PIGU: variants seen among roughly 807,000 people sequenced by gnomAD.
PIGU encodes the protein phosphatidylinositol glycan anchor biosynthesis class U, also known as GPI-anchor transamidase component PIGU.
A neutral mutation model predicts 49.9 loss-of-function variants in PIGU; 24 were observed. The observed-to-expected ratio is 0.48, with a 90% confidence interval of 0.35 to 0.68. The LOEUF is 0.68. Among genes scored for constraint, PIGU ranks in the 30% least tolerant of loss-of-function variants. The pLI is 0.01. For missense variants in PIGU, 490 were observed against 532.6 expected, an observed-to-expected ratio of 0.92 and a Z score of 0.79; for synonymous variants, 220 against 205.7, an observed-to-expected ratio of 1.07 and a Z score of -0.59.
rs1190943273 is a variant in PIGU at position 34,631,558 on chromosome 20, CTTTT to C, written c.529+3053_529+3056del. 2.2e-5 allele frequency among the ~76,000 whole-genome samples: 3 copies of C among 136,456 alleles called. No individual in the cohort carries two copies. The Admixed American group carries it at 2.3e-4, about 10-fold the overall frequency. 89.5% of individuals were successfully genotyped at this position (136,456 alleles called of 152,430 possible). A position where few individuals can be genotyped will look rare whatever the true frequency, so the allele number is the denominator to read the frequency against. On this transcript the variant is annotated intron_variant, in intron 6 of 11. Transcript: ENST00000217446. ...AAGAAGACACTTAATTTTTCTTCTC[CTTTT>C]TTTTTTTTTGAGACAGAGTCTTGCT...
At chr20:34,621,020 A>C (rs1600635417) in intron 6 of PIGU, among the ~76,000 whole-genome samples, 1 of 151,880 alleles carries the variant, frequency 6.6e-6, no homozygotes, top group African/African-American at 2.4e-5. Flanking sequence ...CACATAGCTG[A>C]CTCCGGTACC....
rs184175142 is a variant in PIGU, at chr20:34,606,345, T to C, written c.627+9697A>G. Among the ~76,000 whole-genome samples the C allele has an allele frequency of 3.3e-5, 5 of 152,164 alleles. No individual in the cohort carries two copies. In the East Asian group the frequency reaches 9.7e-4, roughly 29 times the overall value. The stretch of plus-strand genomic sequence containing the variant: ...TAGTTGTCCCCCAAAACATCCTTTA[T>C]AGCTGTTTTTTTCAACCCAAAATCC... On this transcript the variant is annotated intron_variant, in intron 7 of 11. Transcript: ENST00000217446.
At chr20:34,591,916 G>T (rs190490564) in intron 7 of PIGU, among the ~76,000 whole-genome samples, 127 of 152,340 alleles carry the variant, frequency 8.3e-4, no homozygotes, top group Non-Finnish European at 1.5e-3. Context: ...AGGCCGGCGT[G>T]TTGGCTCACG....
intron 5 of PIGU, among the ~76,000 whole-genome samples, chr20:34,635,230 A>C (rs1568651283): frequency 6.6e-6 from 1 of 152,220 alleles, no homozygotes; most frequent in African/African-American, 2.4e-5. Context: ...AGGAAAGTAC[A>C]TTTTCCTCAG....
chr20:34,563,583 TAAAAC>T (rs1336832156), intron 11 of PIGU, among the ~76,000 whole-genome samples: 1 of 133,288 alleles, frequency 7.5e-6, no homozygotes, highest in Non-Finnish European at 1.6e-5. Context: ...AAGCTTCAAT[TAAAAC>T]AAATCAGCCA....
chr20:34,646,815 GTTTTC>G (rs1054536362), intron 2 of PIGU, among the ~76,000 whole-genome samples: 5 of 151,788 alleles, frequency 3.3e-5, no homozygotes, highest in Admixed American at 2.6e-4. Flanking sequence ...ATACTTAGGA[GTTTTC>G]TTTTCTTTTC....
At chr20:34,618,037 GAAC>G (rs1422552700) in intron 6 of PIGU, among the ~76,000 whole-genome samples, 2 of 151,998 alleles carry the variant, frequency 1.3e-5, no homozygotes, top group Non-Finnish European at 2.9e-5. Context: ...CAGCCATGTG[GAAC>G]TATAAGTTCA....
At chr20:34,583,206 G>C (rs1040742143) in intron 9 of PIGU, among the ~76,000 whole-genome samples, 1 of 152,228 alleles carries the variant, frequency 6.6e-6, no homozygotes, top group African/African-American at 2.4e-5. Flanking sequence ...TCTAAGAAGC[G>C]TCCAGCTATA....
chr20:34,575,371 C>T (rs1983183535), intron 10 of PIGU, 125 bp from the exon 11 acceptor site: 1 of 1,193,024 alleles, frequency 8.4e-7, no homozygotes, highest in Admixed American at 2.7e-5. Flanking sequence ...CAGAGCACCC[C>T]CAGAGGTACT....
rs150684294 is a variant in PIGU, at chr20:34,607,388, G to A, written c.627+8654C>T. Among the ~76,000 whole-genome samples, 451 of 152,286 alleles carry A rather than the reference G, an allele frequency of 3.0e-3. 2 individuals carry two copies. Among genetic ancestry groups the A allele is most frequent in the African/African-American group, 0.01 (429 of 41,564 alleles). Reference sequence around the variant, plus strand: ...GGCAGTGGAGTGGCAGAGAGGGAGAGAGAAGCAGCAGCCAGAAGTCAGAGG... The same window carrying A: ...GGCAGTGGAGTGGCAGAGAGGGAGAAAGAAGCAGCAGCCAGAAGTCAGAGG... On this transcript the variant is annotated intron_variant, in intron 7 of 11. Coordinates refer to ENST00000217446, the MANE Select transcript of PIGU (RefSeq NM_080476.5).
intron 4 of PIGU, among the ~76,000 whole-genome samples, chr20:34,640,509 ACAC>A (rs1568653900): frequency 9.3e-5 from 10 of 107,954 alleles, no homozygotes; most frequent in Non-Finnish European, 2.2e-4. Context: ...GCACACACAC[ACAC>A]ACACACACAC....
rs569682011 is a variant in PIGU at position 34,657,349 on chromosome 20, C to G, written c.131-105G>C. Reference sequence around the variant, plus strand: ...AAGGGCCTTAGCGTTTATCTAACCCCCTTTACCTCATCCCCAGCAAGTGGC... The same window carrying G: ...AAGGGCCTTAGCGTTTATCTAACCCGCTTTACCTCATCCCCAGCAAGTGGC... On this transcript the variant is annotated intron_variant, in intron 1 of 11. Coordinates refer to ENST00000217446, the MANE Select transcript of PIGU (RefSeq NM_080476.5). 5.3e-6 allele frequency: 4 copies of G among 749,962 alleles called. No homozygotes were observed. The East Asian group carries it at 1.1e-4, about 20-fold the overall frequency. 46.5% of individuals were successfully genotyped at this position (749,962 alleles called of 1,614,324 possible). A position where few individuals can be genotyped will look rare whatever the true frequency, so the allele number is the denominator to read the frequency against.
In PIGU at chr20:34,570,423, A is replaced by ATTTATT. The variant is rs1555794825; in HGVS notation, c.1194+4680_1194+4681insAATAAA. 5.1e-3 allele frequency among the ~76,000 whole-genome samples: 761 copies of ATTTATT among 149,594 alleles called. 1 individual carries two copies. The highest frequency in any genetic ancestry group is 0.014 in the African/African-American group (573 of 40,876). On this transcript the variant is annotated intron_variant, in intron 11 of 11. Transcript: ENST00000217446. ...ACATGAGCCACTGTTATTTATTTTT[A>ATTTATT]TTTTTTTTTGAGACACAGTCTCGCT...
In PIGU at chr20:34,624,782, T is replaced by C. The variant is rs80081119; in HGVS notation, c.530-8643A>G. Among the ~76,000 whole-genome samples, 42 of 152,280 alleles carry C rather than the reference T, an allele frequency of 2.8e-4. No individual in the cohort carries two copies. The East Asian group carries it at 7.0e-3, about 25-fold the overall frequency. ...ATATCAACCTGCCCAAAGACCTGTG[T>C]TCCCCAGCCAACACTACAATAAGGA... On this transcript the variant is annotated intron_variant, in intron 6 of 11. Transcript: ENST00000217446.
intron 11 of PIGU, among the ~76,000 whole-genome samples, chr20:34,562,826 T>C (rs908477915): frequency 2.6e-5 from 4 of 152,122 alleles, no homozygotes; most frequent in Admixed American, 6.5e-5. Context: ...GGGGCAGTGA[T>C]CACAGCAAAG....
intron 8 of PIGU, among the ~76,000 whole-genome samples, chr20:34,586,448 C>T (rs1341975619): frequency 6.6e-6 from 1 of 152,144 alleles, no homozygotes; most frequent in African/African-American, 2.4e-5. Flanking sequence ...CACCGCAACT[C>T]CTATCTAAGG....
intron 7 of PIGU, among the ~76,000 whole-genome samples, chr20:34,608,018 T>C (rs1984679237): frequency 6.6e-6 from 1 of 152,148 alleles, no homozygotes; most frequent in Non-Finnish European, 1.5e-5. Flanking sequence ...GATGATGGTC[T>C]ATGTATTTTT....
Position 34,560,969 on chromosome 20 carries a change from A to G in PIGU, c.1205T>C (p.Ile402Thr). The change falls in exon 12 of 12, where the codon ATC (isoleucine) becomes ACC (threonine). Residue 402 changes from isoleucine to threonine, a missense_variant. Transcript: ENST00000217446. ...LTFNVGQILL[I>T]SDYFYAFLRR... ...CAGGAAGGCATAGAAGTAATCAGAG[A>G]TGAGCAGGATCTGGGGGGAGAGAGA... 1 of 1,606,462 alleles carries G rather than the reference A, an allele frequency of 6.2e-7. No homozygotes were observed. Among genetic ancestry groups the G allele is most frequent in the Non-Finnish European group, 8.5e-7 (1 of 1,173,424 alleles).
At chr20:34,607,645 G>A (rs973493803) in intron 7 of PIGU, among the ~76,000 whole-genome samples, 2 of 152,204 alleles carry the variant, frequency 1.3e-5, no homozygotes, top group Non-Finnish European at 2.9e-5. Flanking sequence ...GGATACAGAG[G>A]GCTGTCATAC....
Sources: gnomAD v4.1 joint callset for allele counts (sites outside exome capture counted in the v4.1 genomes callset) on GRCh38, gnomAD v4.1.1 for gene constraint, MANE v1.5 for transcripts, NCBI Gene and HGNC (gene_info 2026-07-23, HGNC 2026-07-21) for gene names.